The following PDE1C variants were observed in gnomAD, a reference collection of about 807,000 sequenced individuals.
PDE1C encodes the protein dual specificity calcium/calmodulin-dependent 3',5'-cyclic nucleotide phosphodiesterase 1C.
In PDE1C, 62 loss-of-function variants were observed where a neutral mutation model predicts 93.1. The observed-to-expected ratio is 0.67, with a 90% CI of 0.54 to 0.82. The LOEUF (loss-of-function observed/expected upper bound fraction) is 0.82, where lower values mean the gene tolerates loss of function less well. Among genes scored for constraint, PDE1C ranks in the 40% least tolerant of loss-of-function variants. The pLI, the probability that PDE1C is intolerant of heterozygous loss-of-function variation, is 0.00. For synonymous variants in PDE1C, 325 were observed against 310.1 expected (o/e 1.05, Z -0.50); for missense variants, 742 against 884.6 (o/e 0.84, Z 2.04).
the PDE1C span, among the ~76,000 whole-genome samples, chr7:31,710,605 C>T: frequency 1.3e-5 from 2 of 152,138 alleles, no homozygotes; most frequent in Admixed American, 1.3e-4. Context: ...AATAAGTTAG[C>T]AAAGCAATTA....
the PDE1C span, chr7:31,692,615 AC>A: frequency 1.3e-4 from 154 of 1,153,778 alleles, no homozygotes; most frequent in Admixed American, 5.0e-4. Context: ...GAGAGAGGGC[AC>A]CCCCCGAAAC....
intron 9 of PDE1C, among the ~76,000 whole-genome samples, chr7:31,845,666 T>TA (rs926794585): frequency 2.0e-5 from 3 of 151,566 alleles, no homozygotes; most frequent in Non-Finnish European, 4.4e-5. Flanking sequence ...TAAAATATAA[T>TA]AAAAAAAATT....
chr7:31,707,776 T>G, the PDE1C span: 1 of 156,760 alleles, frequency 6.4e-6, no homozygotes, highest in African/African-American at 2.4e-5. Flanking sequence ...TTATTTCTCC[T>G]GTCCTATCTT....
At chr7:32,053,544 G>C (rs563937756) in intron 1 of PDE1C, among the ~76,000 whole-genome samples, 9 of 152,298 alleles carry the variant, frequency 5.9e-5, no homozygotes, top group African/African-American at 2.2e-4. Flanking sequence ...CGTATACAGG[G>C]ACCAAAGGCA....
chr7:31,703,910 G>A, the PDE1C span, among the ~76,000 whole-genome samples: 1 of 152,190 alleles, frequency 6.6e-6, no homozygotes, highest in African/African-American at 2.4e-5. Context: ...GACAGACCCA[G>A]GCTTGCTCCC....
chr7:32,186,347 C>A (rs903170552), intron 2 of PDE1C, among the ~76,000 whole-genome samples: 1 of 152,178 alleles, frequency 6.6e-6, no homozygotes, highest in African/African-American at 2.4e-5. Flanking sequence ...CATGATCCAC[C>A]CGCCTCGGCC....
In PDE1C at chr7:32,079,595, A is replaced by G. The variant is rs117656153; in HGVS notation, c.308+90190T>C. The stretch of plus-strand genomic sequence containing the variant: ...GGCAACCCGGGCTAGAATATCCAAT[A>G]TGGTTTCACTCACATGTCTGGTGCT... On this transcript the variant is annotated intron_variant, in intron 3 of 18. Transcript: ENST00000396193. Among the ~76,000 whole-genome samples the G allele has an allele frequency of 2.4e-3, 370 of 152,312 alleles. 1 individual carries two copies. Among genetic ancestry groups the G allele is most frequent in the Non-Finnish European group, 3.7e-3 (255 of 68,042 alleles).
chr7:32,403,333 G>T (rs1320248725), intron 1 of PDE1C, among the ~76,000 whole-genome samples: 3 of 152,152 alleles, frequency 2.0e-5, no homozygotes, highest in Admixed American at 1.3e-4. Flanking sequence ...TCTCTCCACT[G>T]TAGATTTCCA....
chr7:31,897,414 C>A (rs1165149750), intron 2 of PDE1C, among the ~76,000 whole-genome samples: 1 of 152,210 alleles, frequency 6.6e-6, no homozygotes, highest in African/African-American at 2.4e-5. Context: ...TGGCATACAG[C>A]TATCTTTGAA....
intron 2 of PDE1C, among the ~76,000 whole-genome samples, chr7:32,185,325 T>C (rs1441327301): frequency 1.3e-5 from 2 of 151,946 alleles, no homozygotes; most frequent in Admixed American, 6.6e-5. Flanking sequence ...GGTCACGTTA[T>C]ATTGTTACTA....
the PDE1C span, among the ~76,000 whole-genome samples, chr7:31,675,641 G>T: frequency 2.0e-5 from 3 of 151,658 alleles, no homozygotes; most frequent in Non-Finnish European, 4.4e-5. Flanking sequence ...AAAAAGAAAG[G>T]CAATGGCAGC....
intron 16 of PDE1C, among the ~76,000 whole-genome samples, chr7:31,794,041 TAGACAGAC>T (rs71559203): frequency 0.018 from 1,603 of 89,250 alleles, 41 homozygotes; most frequent in African/African-American, 0.047. Flanking sequence ...GATAGATAGA[TAGACAGAC>T]AGACAGACAG....
At chr7:32,324,657 G>A (rs544905300) in intron 1 of PDE1C, among the ~76,000 whole-genome samples, 1 of 152,336 alleles carries the variant, frequency 6.6e-6, no homozygotes, top group East Asian at 1.9e-4. Flanking sequence ...TCTTTAAGAT[G>A]CTGATGCAAG....
At chr7:31,922,955 G>A (rs189004462) in intron 2 of PDE1C, among the ~76,000 whole-genome samples, 10 of 152,124 alleles carry the variant, frequency 6.6e-5, no homozygotes, top group Admixed American at 6.5e-5. Flanking sequence ...TTCTTTCTGC[G>A]TCTCTCTATA....
intron 2 of PDE1C, among the ~76,000 whole-genome samples, chr7:31,947,160 T>C (rs2129009263): frequency 6.6e-6 from 1 of 152,182 alleles, no homozygotes; most frequent in East Asian, 1.9e-4. Context: ...AATGGAGCCG[T>C]GTTGGTGTGA....
At chr7:32,279,141 A>G (rs1385316773) in intron 1 of PDE1C, among the ~76,000 whole-genome samples, 1 of 152,234 alleles carries the variant, frequency 6.6e-6, no homozygotes, top group Middle Eastern at 3.2e-3. Context: ...TAGCGTAGCA[A>G]GTAGGAAGGA....
At chr7:32,222,900 G>A (rs1451225828) in intron 1 of PDE1C, among the ~76,000 whole-genome samples, 1 of 152,018 alleles carries the variant, frequency 6.6e-6, no homozygotes, top group African/African-American at 2.4e-5. Context: ...AATTCATCAG[G>A]ACAAAAATGT....
At chr7:32,363,092 C>G (rs1784165598) in intron 1 of PDE1C, among the ~76,000 whole-genome samples, 1 of 152,152 alleles carries the variant, frequency 6.6e-6, no homozygotes, top group African/African-American at 2.4e-5. Flanking sequence ...AATATAGTGA[C>G]CACATAATTT....
chr7:32,170,694 C>T (rs1562544165), intron 2 of PDE1C, among the ~76,000 whole-genome samples: 2 of 152,156 alleles, frequency 1.3e-5, no homozygotes, highest in Non-Finnish European at 2.9e-5. Context: ...CCCAACACAG[C>T]TAGTTCTGGA....
Sources: gnomAD v4.1 joint callset for allele counts (sites outside exome capture counted in the v4.1 genomes callset) on GRCh38, gnomAD v4.1.1 for gene constraint, MANE v1.5 for transcripts, NCBI Gene and HGNC (gene_info 2026-07-23, HGNC 2026-07-21) for gene names.